The following C2orf68 variants were observed in gnomAD, a reference collection of about 807,000 sequenced individuals.
The protein encoded by C2orf68 is chromosome 2 open reading frame 68.
In C2orf68, 15 loss-of-function variants were observed where a neutral mutation model predicts 19.1. The observed-to-expected ratio is 0.79, with a 90% confidence interval of 0.53 to 1.21. C2orf68 has a LOEUF of 1.21. C2orf68 is among the 50% of genes most tolerant of loss of function. The probability of loss-of-function intolerance (pLI) is 0.00; values close to 1 mark genes in which losing one functional copy is unlikely to be tolerated. For missense variants in C2orf68, 242 were observed against 226.6 expected (o/e 1.07, Z -0.44); for synonymous variants, 98 against 91.0 (o/e 1.08, Z -0.44).
chr2:85,610,015 T>G (rs1278413261), intron 2 of C2orf68, among the ~76,000 whole-genome samples: 1 of 139,308 alleles, frequency 7.2e-6, no homozygotes, highest in African/African-American at 2.8e-5. Flanking sequence ...TGTAAGTGGT[T>G]TTTTTTTTTT....
rs1260771594 is a variant in C2orf68 at position 85,611,670 on chromosome 2, C to T, written c.224G>A (p.Arg75Gln). Reference sequence around the variant, plus strand: ...GCAGGCGGGGCGGGCGGCCTCACCTCGGTGTCGCGGCAGGTACACCTGCAG... The same window carrying T: ...GCAGGCGGGGCGGGCGGCCTCACCTTGGTGTCGCGGCAGGTACACCTGCAG... Reference protein sequence around the residue: ...PDLQVYLPRHRDVSAHPRNPD... With the variant: ...PDLQVYLPRHQDVSAHPRNPD... The change falls in exon 2 of 4, where the codon CGA becomes CAA. Residue 75 changes from arginine to glutamine, a missense_variant and splice_region_variant. Physicochemically the swap from Arg to Gln is conservative, Grantham distance 43 (BLOSUM62 1). Transcript: ENST00000306336. The T allele has an allele frequency of 4.5e-6, 7 of 1,560,174 alleles. No homozygotes were observed. Among genetic ancestry groups the T allele is most frequent in the Non-Finnish European group, 6.1e-6 (7 of 1,152,548 alleles).
chr2:85,607,835 T>G lies in C2orf68; in HGVS notation c.*1110A>C, dbSNP rs543649860. 1 of 152,182 alleles carries G rather than the reference T, an allele frequency of 6.6e-6. No homozygotes were observed. The highest frequency in any genetic ancestry group is 2.4e-5 in the African/African-American group (1 of 41,428). The allele number at this position is 152,182 out of a possible 1,614,324, so 9.4% of individuals were successfully genotyped here. ...TGGAGGGGGAGGATGTCTTGTGGAATTCAGACGTAAGCCTAACCCTGCATT... is the reference window on the plus strand; with the variant it reads ...TGGAGGGGGAGGATGTCTTGTGGAAGTCAGACGTAAGCCTAACCCTGCATT... On this transcript the variant is annotated 3_prime_UTR_variant, in exon 4 of 4. Transcript: ENST00000306336.
rs1478033162 is a variant in C2orf68 at position 85,607,967 on chromosome 2, C to T, written c.*978G>A. ...GTAGGAGAGAAGGCCTCATTTCATT[C>T]CCTCTGGCGTGCTGTCAATCAGGCA... On this transcript the variant is annotated 3_prime_UTR_variant, in exon 4 of 4. Transcript: ENST00000306336. 6.6e-6 allele frequency: 1 copy of T among 152,214 alleles called. No individual in the cohort carries two copies. The highest frequency in any genetic ancestry group is 2.4e-5 in the African/African-American group (1 of 41,450). The allele number at this position is 152,214 out of a possible 1,614,324, so 9.4% of individuals were successfully genotyped here. A position where few individuals can be genotyped will look rare whatever the true frequency, so the allele number is the denominator to read the frequency against.
intron 1 of C2orf68, 40 bp downstream of exon 1, chr2:85,611,838 C>T (rs1673559429): frequency 3.7e-6 from 6 of 1,602,956 alleles, no homozygotes; most frequent in Non-Finnish European, 5.1e-6. Flanking sequence ...CCAGGCCAGG[C>T]CAGGAGTGGT....
Position 85,611,925 on chromosome 2 carries a change from G to A in C2orf68, c.60C>T (p.Asp20=). 6.3e-7 allele frequency: 1 copy of A among 1,588,930 alleles called. No individual in the cohort carries two copies. The highest frequency in any genetic ancestry group is 2.3e-5 in the East Asian group (1 of 43,636). ...TATGGTGCACGAAGCCGTGGTTCAT[G>A]TCCAGCCGCCCCCCAGGCTTGCAGC... ...GHCCKPGGRL[D]MNHGFVHHIR... The change falls in exon 1 of 4, where the codon GAC becomes GAT. Residue 20 remains aspartate (D), a synonymous_variant. Transcript: ENST00000306336.
At position 85,607,201 on chromosome 2, in the gene C2orf68, G is replaced by A. The variant is rs1673245731; in HGVS notation, c.*1744C>T. On this transcript the variant is annotated 3_prime_UTR_variant, in exon 4 of 4. Coordinates refer to ENST00000306336, the MANE Select transcript of C2orf68 (RefSeq NM_001013649.4). Reference sequence around the variant, plus strand: ...AATGTATTTCCAGACTAAAAAGCCAGACTTGCAGTGAAATCCTATGTTCCA... The same window carrying A: ...AATGTATTTCCAGACTAAAAAGCCAAACTTGCAGTGAAATCCTATGTTCCA... 1 of 152,198 alleles carries A rather than the reference G, an allele frequency of 6.6e-6. No homozygotes were observed. The highest frequency in any genetic ancestry group is 1.5e-5 in the Non-Finnish European group (1 of 68,050). 9.4% of individuals were successfully genotyped at this position (152,198 alleles called of 1,614,324 possible).
chr2:85,611,615 T>C, intron 2 of C2orf68, 53 bp downstream of exon 2: 4 of 1,557,576 alleles, frequency 2.6e-6, no homozygotes, highest in South Asian at 1.2e-5. Flanking sequence ...AGAAGGGGAG[T>C]GCGTTGCAGG....
intron 2 of C2orf68, chr2:85,610,146 C>G (rs1171064969): frequency 6.6e-6 from 1 of 151,832 alleles, no homozygotes; most frequent in African/African-American, 2.4e-5. Context: ...TCCCAAGTAG[C>G]TGGGATTACA....
chr2:85,611,455 T>C, intron 2 of C2orf68: 1 of 1,544,122 alleles, frequency 6.5e-7, no homozygotes, highest in Non-Finnish European at 8.7e-7. Context: ...TCCCCGATAC[T>C]CTGACAGCGA....
chr2:85,610,074 G>A lies in C2orf68; in HGVS notation c.227-488C>T, dbSNP rs149000974. The A allele has an allele frequency of 8.1e-3, 1,213 of 149,792 alleles. 15 individuals are homozygous for A. The highest frequency in any genetic ancestry group is 0.029 in the African/African-American group (1,154 of 39,776). 9.3% of individuals were successfully genotyped at this position (149,792 alleles called of 1,614,324 possible). ...CTGTTGCCCAGGCTGGAGTGCAGTG[G>A]CTAAATCTCGGCTCACCGCAACCTC... On this transcript the variant is annotated intron_variant, in intron 2 of 3. Transcript: ENST00000306336.
chr2:85,610,760 C>CTT (rs541919655), intron 2 of C2orf68: 21 of 123,758 alleles, frequency 1.7e-4, no homozygotes, highest in South Asian at 2.4e-4. Context: ...CTCTCTCTCT[C>CTT]TTTTTTTTTT....
chr2:85,611,848 T>G lies in C2orf68; in HGVS notation c.107+30A>C, dbSNP rs1323719518. On this transcript the variant is annotated intron_variant, in intron 1 of 3. Coordinates refer to ENST00000306336, the MANE Select transcript of C2orf68 (RefSeq NM_001013649.4). ...CCGGGCCAGGCCAGGCCAGGAGTGG[T>G]GGCGGCGGCGGCGCAGGGCGGGGCG... 6.3e-6 allele frequency: 10 copies of G among 1,599,632 alleles called. No individual in the cohort carries two copies. In the Admixed American group the frequency reaches 1.2e-4, roughly 19 times the overall value.
In C2orf68 at chr2:85,611,320, G is replaced by A. The variant is rs1673508409; in HGVS notation, c.226+348C>T. 4.2e-6 allele frequency: 6 copies of A among 1,426,120 alleles called. No homozygotes were observed. The East Asian group carries it at 1.3e-4, about 31-fold the overall frequency. 88.3% of individuals were successfully genotyped at this position (1,426,120 alleles called of 1,614,324 possible). On this transcript the variant is annotated intron_variant, in intron 2 of 3. Coordinates refer to ENST00000306336, the MANE Select transcript of C2orf68 (RefSeq NM_001013649.4). The stretch of plus-strand genomic sequence containing the variant: ...GAAGCTGGGGAAAGGCCATTTACTG[G>A]GTTCATTCCGCAATTATGTGCTGGT...
Position 85,608,758 on chromosome 2 carries a change from G to A in C2orf68, c.*187C>T. The A allele has an allele frequency of 2.3e-6, 1 of 428,420 alleles. No individual in the cohort carries two copies. Among genetic ancestry groups the A allele is most frequent in the Non-Finnish European group, 4.0e-6 (1 of 252,272 alleles). 26.5% of individuals were successfully genotyped at this position (428,420 alleles called of 1,614,324 possible). ...TTCCAGAATATCAGGCTGGGCAAAT[G>A]GGTCAACATATAAGAAAGAATGACT... On this transcript the variant is annotated 3_prime_UTR_variant, in exon 4 of 4. Coordinates refer to ENST00000306336, the MANE Select transcript of C2orf68 (RefSeq NM_001013649.4).
chr2:85,611,636 G>A (rs772333453), intron 2 of C2orf68, 32 bp downstream of exon 2: 1 of 1,565,426 alleles, frequency 6.4e-7, no homozygotes, highest in Non-Finnish European at 8.7e-7. Flanking sequence ...AAGAGCGCGC[G>A]GGCTGGAGGC....
At chr2:85,611,641 G>C (rs1432300850) in intron 2 of C2orf68, 27 bp downstream of exon 2, 1 of 1,566,840 alleles carries the variant, frequency 6.4e-7, no homozygotes, top group Non-Finnish European at 8.7e-7. Flanking sequence ...CGCGCGGGCT[G>C]GAGGCAGGCG....
chr2:85,609,813 T>C (rs1483884027), intron 2 of C2orf68, among the ~76,000 whole-genome samples: 1 of 151,994 alleles, frequency 6.6e-6, no homozygotes, highest in African/African-American at 2.4e-5. Context: ...CCCGAGTAGC[T>C]GGGATTACAG....
rs1181969357 is a variant in C2orf68, at chr2:85,609,054, C to T, written c.392G>A (p.Gly131Glu). 2 of 1,614,212 alleles carry T rather than the reference C, an allele frequency of 1.2e-6. No individual in the cohort carries two copies. Among genetic ancestry groups the T allele is most frequent in the Non-Finnish European group, 8.5e-7 (1 of 1,180,036 alleles). ...SVIVYQGDDP[G>E]KVSEKVSAHT... ...TGCCGACACCTTCTCACTCACCTTTCCTGGGTCATCACCCTACGTGGAGGA... is the reference window on the plus strand; with the variant it reads ...TGCCGACACCTTCTCACTCACCTTTTCTGGGTCATCACCCTACGTGGAGGA... The change falls in exon 4 of 4, where the codon GGA becomes GAA. Residue 131 changes from glycine to glutamate, a missense_variant. Coordinates refer to ENST00000306336, the MANE Select transcript of C2orf68 (RefSeq NM_001013649.4).
At position 85,608,036 on chromosome 2, in the gene C2orf68, C is replaced by T. The variant is rs1011121767; in HGVS notation, c.*909G>A. Reference sequence around the variant, plus strand: ...TTTCCCTTTGTAGGTATGTTCAGAACTGTTAAGTCACAACTGGAGAGTAAG... The same window carrying T: ...TTTCCCTTTGTAGGTATGTTCAGAATTGTTAAGTCACAACTGGAGAGTAAG... On this transcript the variant is annotated 3_prime_UTR_variant, in exon 4 of 4. Coordinates refer to ENST00000306336, the MANE Select transcript of C2orf68 (RefSeq NM_001013649.4). The T allele has an allele frequency of 6.6e-6, 1 of 152,186 alleles. No individual in the cohort carries two copies. Among genetic ancestry groups the T allele is most frequent in the Non-Finnish European group, 1.5e-5 (1 of 68,040 alleles). The allele number at this position is 152,186 out of a possible 1,614,324, so 9.4% of individuals were successfully genotyped here.
Sources: gnomAD v4.1 joint callset for allele counts (sites outside exome capture counted in the v4.1 genomes callset) on GRCh38, gnomAD v4.1.1 for gene constraint, MANE v1.5 for transcripts, NCBI Gene and HGNC (gene_info 2026-07-23, HGNC 2026-07-21) for gene names.